The following VEPH1 variants were observed in gnomAD, a reference collection of about 807,000 sequenced individuals.
VEPH1 encodes the protein ventricular zone-expressed PH domain-containing protein homolog 1.
A neutral mutation model predicts 85.2 loss-of-function variants in VEPH1; 80 were observed. The observed-to-expected ratio is 0.94, with a 90% CI of 0.78 to 1.13. VEPH1 has a LOEUF of 1.13. VEPH1 is among the 50% of genes most tolerant of loss of function. The probability of loss-of-function intolerance (pLI) is 0.00; values close to 1 mark genes in which losing one functional copy is unlikely to be tolerated. For synonymous variants in VEPH1, 297 were observed against 348.0 expected, an observed-to-expected ratio of 0.85 and a Z score of 1.63; for missense variants, 955 against 980.5, an observed-to-expected ratio of 0.97 and a Z score of 0.35.
rs142955749 is a variant in VEPH1, at chr3:157,491,893, A to G, written c.138+3319T>C. On this transcript the variant is annotated intron_variant, in intron 2 of 13. Transcript: ENST00000362010. ...ATTTTTTAAAAACATAGAATATTTG[A>G]CTAGTATTAGTAGTTGTTCTAAGCA... is the stretch of plus-strand genomic sequence containing the variant. Among the ~76,000 whole-genome samples, 34 of 152,316 alleles carry G rather than the reference A, an allele frequency of 2.2e-4. 1 individual carries two copies. In the East Asian group the frequency reaches 6.2e-3, roughly 28 times the overall value.
At chr3:157,466,988 G>A (rs1382091335) in intron 3 of VEPH1, among the ~76,000 whole-genome samples, 1 of 152,176 alleles carries the variant, frequency 6.6e-6, no homozygotes, top group Non-Finnish European at 1.5e-5. Context: ...AATGTGGCAA[G>A]TTCACAAATT....
At chr3:157,454,722 A>G (rs753916686) in intron 4 of VEPH1, among the ~76,000 whole-genome samples, 1 of 152,082 alleles carries the variant, frequency 6.6e-6, no homozygotes, top group Non-Finnish European at 1.5e-5. Context: ...TGAGCACAGT[A>G]CCCAATAAGT....
intron 4 of VEPH1, among the ~76,000 whole-genome samples, chr3:157,440,053 A>G (rs1734001204): frequency 6.6e-6 from 1 of 152,094 alleles, no homozygotes; most frequent in African/African-American, 2.4e-5. Context: ...ACTTTATTGA[A>G]ACTTTATAGA....
chr3:157,351,441 G>A (rs917322252), intron 9 of VEPH1, among the ~76,000 whole-genome samples: 6 of 151,806 alleles, frequency 4.0e-5, no homozygotes, highest in East Asian at 4.0e-4. Context: ...CAATCCACCC[G>A]CCTTGGCCTC....
Position 157,460,193 on chromosome 3 carries a change from T to G in VEPH1, c.517A>C (p.Ser173Arg). Reference sequence around the variant, plus strand: ...TTTCGCACCATACCTTGGAGTATGCTCTTTACTATAACTTCCGTGTGATCA... The same window carrying G: ...TTTCGCACCATACCTTGGAGTATGCGCTTTACTATAACTTCCGTGTGATCA... ...LADHTEVIVKSILQGNTMLLR... is the reference protein window; with the variant it reads ...LADHTEVIVKRILQGNTMLLR... Residue 173 changes from serine (S) to arginine (R), a missense_variant, in exon 4 of 14, where the codon AGC (serine) becomes CGC (arginine). Transcript: ENST00000362010. 1 of 1,614,206 alleles carries G rather than the reference T, an allele frequency of 6.2e-7. No individual in the cohort carries two copies. Among genetic ancestry groups the G allele is most frequent in the Non-Finnish European group, 8.5e-7 (1 of 1,180,028 alleles).
intron 7 of VEPH1, among the ~76,000 whole-genome samples, chr3:157,368,841 T>A (rs12629552): frequency 0.69 from 104,808 of 151,902 alleles, 36,457 homozygotes; most frequent in East Asian, 0.78. Flanking sequence ...ATATACTAAA[T>A]ATATATTATA....
intron 4 of VEPH1, among the ~76,000 whole-genome samples, chr3:157,430,472 G>A (rs1469168030): frequency 6.6e-6 from 1 of 152,174 alleles, no homozygotes; most frequent in Non-Finnish European, 1.5e-5. Context: ...TACTCTCTGT[G>A]ATTGAAAGAC....
chr3:157,487,969 A>C (rs770051967), intron 2 of VEPH1, among the ~76,000 whole-genome samples: 1 of 152,168 alleles, frequency 6.6e-6, no homozygotes, highest in Non-Finnish European at 1.5e-5. Context: ...TCTTTAAATA[A>C]AAAGAGAGAA....
At chr3:157,325,668 C>T (rs930894459) in intron 9 of VEPH1, among the ~76,000 whole-genome samples, 3 of 152,056 alleles carry the variant, frequency 2.0e-5, no homozygotes, top group African/African-American at 7.2e-5. Flanking sequence ...AGTCTTATTT[C>T]TGGGTTCTTT....
intron 11 of VEPH1, among the ~76,000 whole-genome samples, chr3:157,312,899 CAT>C (rs1577314250): frequency 2.4e-4 from 20 of 82,090 alleles, no homozygotes; most frequent in Non-Finnish European, 3.7e-4. Flanking sequence ...TAAAAAAAAA[CAT>C]TTTTTTTTTT....
At chr3:157,379,092 G>A (rs961339655) in intron 7 of VEPH1, among the ~76,000 whole-genome samples, 2 of 152,152 alleles carry the variant, frequency 1.3e-5, no homozygotes, top group Admixed American at 6.6e-5. Context: ...GTTAATTCCT[G>A]TGCTAAGAGC....
At chr3:157,438,877 C>G (rs1379834507) in intron 4 of VEPH1, among the ~76,000 whole-genome samples, 1 of 152,154 alleles carries the variant, frequency 6.6e-6, no homozygotes, top group African/African-American at 2.4e-5. Flanking sequence ...AATCAGTGTC[C>G]TAGGTAAGAA....
intron 7 of VEPH1, among the ~76,000 whole-genome samples, chr3:157,374,896 A>C (rs774086633): frequency 1.5e-4 from 23 of 152,226 alleles, no homozygotes; most frequent in Non-Finnish European, 3.2e-4. Context: ...TATCCATGAA[A>C]TACTGTGAAA....
chr3:157,475,209 C>T (rs565854383), intron 2 of VEPH1, among the ~76,000 whole-genome samples: 212 of 136,308 alleles, frequency 1.6e-3, no homozygotes, highest in African/African-American at 5.7e-3. Context: ...CCTGGCTAGT[C>T]TTGAACTCCT....
At chr3:157,480,010 T>A (rs1161103626) in intron 2 of VEPH1, among the ~76,000 whole-genome samples, 2 of 150,656 alleles carry the variant, frequency 1.3e-5, no homozygotes, top group Non-Finnish European at 3.0e-5. Context: ...TCTTTCTTTT[T>A]CTTTCTTTTC....
chr3:157,328,155 A>G (rs1722131940), intron 9 of VEPH1, among the ~76,000 whole-genome samples: 2 of 152,212 alleles, frequency 1.3e-5, no homozygotes, highest in African/African-American at 4.8e-5. Flanking sequence ...CTGAAATGCA[A>G]GTCTTCCAGT....
At chr3:157,434,324 T>C (rs1733390945) in intron 4 of VEPH1, among the ~76,000 whole-genome samples, 1 of 152,154 alleles carries the variant, frequency 6.6e-6, no homozygotes, top group South Asian at 2.1e-4. Context: ...CTCTCTCCTT[T>C]TCTTTTTTTC....
intron 2 of VEPH1, among the ~76,000 whole-genome samples, chr3:157,479,003 G>T (rs895808394): frequency 1.3e-5 from 2 of 152,060 alleles, no homozygotes; most frequent in East Asian, 3.8e-4. Flanking sequence ...ACAGTTAACT[G>T]CTTCCTTTAA....
chr3:157,367,478 C>T (rs941893191), intron 7 of VEPH1, among the ~76,000 whole-genome samples: 2 of 152,182 alleles, frequency 1.3e-5, no homozygotes, highest in African/African-American at 4.8e-5. Flanking sequence ...TTTCTATCCA[C>T]ATTAGTTCAT....
Sources: allele counts gnomAD v4.1 joint callset (sites outside exome capture counted in the v4.1 genomes callset), GRCh38; gene constraint gnomAD v4.1.1; transcripts MANE v1.5; gene names NCBI Gene and HGNC (gene_info 2026-07-23, HGNC 2026-07-21).